DLGAP2: variants seen among roughly 807,000 people sequenced by gnomAD.
DLGAP2 encodes disks large-associated protein 2.
A neutral mutation model predicts 100.3 loss-of-function variants in DLGAP2; 26 were observed. That is an observed-to-expected ratio of 0.26 (90% confidence interval 0.19 to 0.36). The LOEUF (loss-of-function observed/expected upper bound fraction) is 0.36. Ranked by LOEUF, DLGAP2 falls within the 10% of genes least tolerant of loss-of-function variation. The probability of loss-of-function intolerance (pLI) is 1.00; values close to 1 mark genes in which losing one functional copy is unlikely to be tolerated. For synonymous variants in DLGAP2, 886 were observed against 630.1 expected (o/e 1.41, Z -6.08); for missense variants, 1,858 against 1,453.2 (o/e 1.28, Z -4.53).
At chr8:1,128,830 T>C (rs1272917320) in intron 2 of DLGAP2, among the ~76,000 whole-genome samples, 11 of 152,180 alleles carry the variant, frequency 7.2e-5, no homozygotes, top group Non-Finnish European at 1.5e-5. Flanking sequence ...TTGTAAAGTG[T>C]TGGAAGTCTG....
At chr8:910,141 C>A (rs1798456014) in intron 2 of DLGAP2, among the ~76,000 whole-genome samples, 1 of 152,234 alleles carries the variant, frequency 6.6e-6, no homozygotes, top group Admixed American at 6.5e-5. Flanking sequence ...ATGCTCCAAA[C>A]TGGGCGCTTA....
chr8:1,479,671 C>T (rs1799034881), intron 3 of DLGAP2, among the ~76,000 whole-genome samples: 1 of 152,040 alleles, frequency 6.6e-6, no homozygotes, highest in South Asian at 2.1e-4. Context: ...TTTATCATTC[C>T]TATTATGCAA....
intron 3 of DLGAP2, chr8:1,296,114 A>C (rs10101376): frequency 1.3e-5 from 2 of 151,830 alleles, no homozygotes; most frequent in African/African-American, 4.8e-5. Context: ...GTTGATTTTC[A>C]GAAGGGTGCT....
intron 3 of DLGAP2, chr8:1,373,733 G>A (rs545840104): frequency 6.6e-6 from 1 of 152,326 alleles, no homozygotes; most frequent in African/African-American, 2.4e-5. Flanking sequence ...GGCCTCTCCA[G>A]CTCAGGGACG....
intron 1 of DLGAP2, among the ~76,000 whole-genome samples, chr8:813,475 A>G (rs1034157207): frequency 3.9e-5 from 6 of 152,252 alleles, no homozygotes; most frequent in African/African-American, 1.2e-4. Context: ...CATGTGAAAT[A>G]GAAACATGAA....
chr8:973,048 C>A lies in DLGAP2; in HGVS notation c.73+65082C>A, dbSNP rs139614214. Among the ~76,000 whole-genome samples, 78 of 152,380 alleles carry A rather than the reference C, an allele frequency of 5.1e-4. No individual in the cohort carries two copies. In the East Asian group the frequency reaches 0.015, roughly 29 times the overall value. On this transcript the variant is annotated intron_variant, in intron 2 of 14. Coordinates refer to ENST00000637795, the MANE Select transcript of DLGAP2 (RefSeq NM_001346810.2). Reference sequence around the variant, plus strand: ...CACAGACACAGCATCAATCTGATTTCTCTATCTTTTCACCACATTTCCCCC... The same window carrying A: ...CACAGACACAGCATCAATCTGATTTATCTATCTTTTCACCACATTTCCCCC...
At chr8:778,497 A>G (rs1821590673) in intron 1 of DLGAP2, among the ~76,000 whole-genome samples, 1 of 152,022 alleles carries the variant, frequency 6.6e-6, no homozygotes, top group Non-Finnish European at 1.5e-5. Flanking sequence ...TTGGTCTTTG[A>G]TGATGGTGAT....
At chr8:1,344,629 G>C (rs553862660) in intron 3 of DLGAP2, among the ~76,000 whole-genome samples, 1 of 152,288 alleles carries the variant, frequency 6.6e-6, no homozygotes, top group South Asian at 2.1e-4. Context: ...ACCCGGCACT[G>C]GTCTATCTGC....
At chr8:1,210,392 A>G (rs1471181933) in intron 2 of DLGAP2, among the ~76,000 whole-genome samples, 9 of 152,208 alleles carry the variant, frequency 5.9e-5, no homozygotes, top group Admixed American at 5.9e-4. Context: ...CAGCAGGGGA[A>G]CTTGAGATGT....
At chr8:938,913 A>G (rs935185120) in intron 2 of DLGAP2, among the ~76,000 whole-genome samples, 1 of 152,244 alleles carries the variant, frequency 6.6e-6, no homozygotes, top group Non-Finnish European at 1.5e-5. Context: ...GAAGAGTGTG[A>G]GGATGAGACC....
chr8:935,455 G>A (rs1799049565), intron 2 of DLGAP2, among the ~76,000 whole-genome samples: 1 of 152,194 alleles, frequency 6.6e-6, no homozygotes, highest in Admixed American at 6.5e-5. Context: ...TGGATTGCAT[G>A]TGGAAGTGAT....
intron 3 of DLGAP2, among the ~76,000 whole-genome samples, chr8:1,390,390 T>C (rs1221556873): frequency 1.3e-5 from 2 of 152,186 alleles, no homozygotes; most frequent in Non-Finnish European, 2.9e-5. Flanking sequence ...TTTTCTTCCT[T>C]TTGCTGGAGT....
intron 3 of DLGAP2, among the ~76,000 whole-genome samples, chr8:1,457,557 T>G (rs1280979624): frequency 1.3e-5 from 2 of 152,258 alleles, no homozygotes; most frequent in African/African-American, 4.8e-5. Context: ...ACTTTAATTC[T>G]GATAAGACAG....
At chr8:1,361,747 C>A (rs907061666) in intron 3 of DLGAP2, among the ~76,000 whole-genome samples, 6 of 152,212 alleles carry the variant, frequency 3.9e-5, no homozygotes, top group African/African-American at 1.4e-4. Context: ...GCGAGTGAGT[C>A]GGAAATTTGT....
At chr8:1,526,660 C>T (rs914351696) in intron 4 of DLGAP2, among the ~76,000 whole-genome samples, 1 of 152,198 alleles carries the variant, frequency 6.6e-6, no homozygotes, top group African/African-American at 2.4e-5. Context: ...CTCTGCCATC[C>T]TTATTGGGTT....
At position 1,415,105 on chromosome 8, in the gene DLGAP2, C is replaced by G. The variant is rs76313067; in HGVS notation, c.107-86261C>G. Among the ~76,000 whole-genome samples, 151 of 152,350 alleles carry G rather than the reference C, an allele frequency of 9.9e-4. 1 individual carries two copies. Among genetic ancestry groups the G allele is most frequent in the African/African-American group, 3.4e-3 (143 of 41,578 alleles). ...TGGTGCACATGCATACATACGTGTA[C>G]ACACATGTGCACACATGCATACAAA... On this transcript the variant is annotated intron_variant, in intron 3 of 14. Transcript: ENST00000637795.
chr8:1,372,223 T>A (rs1464723783), intron 3 of DLGAP2, among the ~76,000 whole-genome samples: 2 of 85,282 alleles, frequency 2.3e-5, no homozygotes, highest in African/African-American at 8.0e-5. Context: ...GCTGGGACGC[T>A]GGTCACCGTG....
rs1310664490 is a variant in DLGAP2, at chr8:981,567, C to G, written c.73+73601C>G. On this transcript the variant is annotated intron_variant, in intron 2 of 14. Coordinates refer to ENST00000637795, the MANE Select transcript of DLGAP2 (RefSeq NM_001346810.2). ...GCAGCGTACGAGGGTTCCAGTTTCT[C>G]TGCATCCTCTCCGATATGGTATTTT... Among the ~76,000 whole-genome samples, 5 of 152,166 alleles carry G rather than the reference C, an allele frequency of 3.3e-5. No homozygotes were observed. In the South Asian group the frequency reaches 1.0e-3, roughly 32 times the overall value.
chr8:787,470 C>A (rs1321361572), intron 1 of DLGAP2, among the ~76,000 whole-genome samples: 1 of 152,212 alleles, frequency 6.6e-6, no homozygotes, highest in African/African-American at 2.4e-5. Context: ...ACGCCTGTGC[C>A]TGTTTTGAAG....
Sources: gnomAD v4.1 joint callset for allele counts (sites outside exome capture counted in the v4.1 genomes callset) on GRCh38, gnomAD v4.1.1 for gene constraint, MANE v1.5 for transcripts, NCBI Gene and HGNC (gene_info 2026-07-23, HGNC 2026-07-21) for gene names.